Variants in MTA1 observed in about 807,000 individuals in gnomAD.
MTA1 encodes metastasis-associated protein MTA1.
In MTA1, 15 loss-of-function variants were observed where a neutral mutation model predicts 97.0. The observed-to-expected ratio is 0.15, with a 90% CI of 0.10 to 0.24. The LOEUF (loss-of-function observed/expected upper bound fraction) is 0.24. MTA1 is among the 10% of genes least tolerant of loss of function. The pLI, the probability that MTA1 is intolerant of heterozygous loss-of-function variation, is 1.00. For synonymous variants in MTA1, 435 were observed against 417.5 expected, an observed-to-expected ratio of 1.04 and a Z score of -0.51; for missense variants, 709 against 1,015.1, an observed-to-expected ratio of 0.70 and a Z score of 4.10.
At chr14:105,444,786 A>C (rs1218536619) in intron 2 of MTA1, among the ~76,000 whole-genome samples, 1 of 144,066 alleles carries the variant, frequency 6.9e-6, no homozygotes, top group African/African-American at 2.9e-5. Flanking sequence ...GTGAGACCCC[A>C]TCTTAAAAAA....
At position 105,420,898 on chromosome 14, in the gene MTA1, A is replaced by T. The variant is rs1460067091; in HGVS notation, c.28+835A>T. ...CAGCGCCTCCCTCCCCAGGACTCTG[A>T]GACCCCTCCCTGCCTGTGACCCTCT... On this transcript the variant is annotated intron_variant, in intron 1 of 20. Transcript: ENST00000331320. The surrounding 1 kb of genome is among the most constrained non-coding windows in gnomAD (Gnocchi z 5.3). Among the ~76,000 whole-genome samples, 9 of 152,034 alleles carry T rather than the reference A, an allele frequency of 5.9e-5. No homozygotes were observed. Among genetic ancestry groups the T allele is most frequent in the African/African-American group, 1.7e-4 (7 of 41,394 alleles).
At chr14:105,426,933 G>A (rs942270508) in intron 1 of MTA1, among the ~76,000 whole-genome samples, 1 of 152,200 alleles carries the variant, frequency 6.6e-6, no homozygotes, top group Admixed American at 6.5e-5. Context: ...GTTCCCAAAA[G>A]GGAAAAGACA....
intron 3 of MTA1, among the ~76,000 whole-genome samples, chr14:105,446,677 C>G (rs2082728739): frequency 6.6e-6 from 1 of 152,218 alleles, no homozygotes; most frequent in African/African-American, 2.4e-5. Context: ...AGGAAGGTGT[C>G]CCTTAACCCC....
intron 1 of MTA1, among the ~76,000 whole-genome samples, chr14:105,423,567 G>A (rs973556623): frequency 6.7e-6 from 1 of 150,316 alleles, no homozygotes; most frequent in Non-Finnish European, 1.5e-5. Context: ...GTGAGACTCC[G>A]TATCAAAAAA....
intron 1 of MTA1, among the ~76,000 whole-genome samples, chr14:105,435,242 T>C (rs1309187336): frequency 6.6e-6 from 1 of 152,212 alleles, no homozygotes; most frequent in African/African-American, 2.4e-5. Flanking sequence ...TTCTTACTTA[T>C]TCTGTGAATA....
intron 1 of MTA1, among the ~76,000 whole-genome samples, chr14:105,432,695 A>G (rs1555423611): frequency 1.3e-5 from 2 of 152,224 alleles, no homozygotes; most frequent in Non-Finnish European, 1.5e-5. Context: ...ACGAGGCACA[A>G]CCACATTTAT....
chr14:105,450,936 C>T (rs1292534158), intron 6 of MTA1, among the ~76,000 whole-genome samples: 3 of 152,166 alleles, frequency 2.0e-5, no homozygotes, highest in South Asian at 2.1e-4. Context: ...TCTGAGGCCA[C>T]GTGGGGGCAA....
rs1056329356 is a variant in MTA1 at position 105,469,288 on chromosome 14, G to A, written c.1814-179G>A. 48 of 666,712 alleles carry A rather than the reference G, an allele frequency of 7.2e-5. No individual in the cohort carries two copies. The Admixed American group carries it at 8.0e-4, about 11-fold the overall frequency. The allele number at this position is 666,712 out of a possible 1,614,324, so 41.3% of individuals were successfully genotyped here. A position where few individuals can be genotyped will look rare whatever the true frequency, so the allele number is the denominator to read the frequency against. ...CCAGAGAGCTGTGGGGCCACCAGGC[G>A]GCCCAGGACCCGGGGATGCGAGGCC... On this transcript the variant is annotated intron_variant, in intron 18 of 20. Transcript: ENST00000331320.
At chr14:105,464,310 G>A in intron 13 of MTA1, 106 bp from the exon 14 acceptor site, 3 of 1,458,808 alleles carry the variant, frequency 2.1e-6, no homozygotes, top group Non-Finnish European at 2.8e-6. Flanking sequence ...GGAACGTGTG[G>A]GGGTGCCTGG....
chr14:105,432,678 T>C (rs2082211557), intron 1 of MTA1, among the ~76,000 whole-genome samples: 1 of 152,254 alleles, frequency 6.6e-6, no homozygotes, highest in Non-Finnish European at 1.5e-5. Context: ...GAATTCATCT[T>C]AAAGTTACGA....
At chr14:105,443,680 C>T (rs1030723340) in intron 2 of MTA1, among the ~76,000 whole-genome samples, 1 of 152,218 alleles carries the variant, frequency 6.6e-6, no homozygotes, top group Non-Finnish European at 1.5e-5. Flanking sequence ...GGTGCCTTGG[C>T]TTACTCCTGT....
chr14:105,445,351 C>T (rs587726169), intron 2 of MTA1, 67 bp from the exon 3 acceptor site: 1 of 1,468,344 alleles, frequency 6.8e-7, no homozygotes, highest in African/African-American at 1.4e-5. Context: ...GCCTTGGAGC[C>T]CCTCCTGGGA....
Position 105,424,982 on chromosome 14 carries a change from A to G in MTA1, c.28+4919A>G, listed in dbSNP as rs1355458751. Among the ~76,000 whole-genome samples the G allele has an allele frequency of 1.3e-5, 2 of 152,156 alleles. No individual in the cohort carries two copies. The highest frequency in any genetic ancestry group is 4.8e-5 in the African/African-American group (2 of 41,430). ...GTCAAAACTGCTGCAGTGGCCCTGC[A>G]GGCATCCTACCTAGAGGTGGGTCCC... On this transcript the variant is annotated intron_variant, in intron 1 of 20. Coordinates refer to ENST00000331320, the MANE Select transcript of MTA1 (RefSeq NM_004689.4). The surrounding 1 kb of genome is among the most constrained non-coding windows in gnomAD (Gnocchi z 4.0).
intron 7 of MTA1, among the ~76,000 whole-genome samples, chr14:105,457,244 G>T (rs1424438520): frequency 6.6e-6 from 1 of 152,252 alleles, no homozygotes; most frequent in Admixed American, 6.5e-5. Flanking sequence ...CCAGGAGTCA[G>T]GCTCAGCCAT....
chr14:105,429,720 T>G (rs1555423008), intron 1 of MTA1, among the ~76,000 whole-genome samples: 1 of 146,950 alleles, frequency 6.8e-6, no homozygotes, highest in Non-Finnish European at 1.5e-5. Flanking sequence ...CCCGAAGTGC[T>G]GGGATTACAG....
chr14:105,454,023 T>C (rs587618360), intron 6 of MTA1, among the ~76,000 whole-genome samples, 170 bp from the exon 7 acceptor site: 8 of 152,268 alleles, frequency 5.3e-5, no homozygotes, highest in African/African-American at 1.9e-4. Context: ...CTCCCAGGCA[T>C]GGCCGGGAGC....
In MTA1 at chr14:105,454,230, A is replaced by C. The variant is rs1555429339; in HGVS notation, c.470A>C (p.Gln157Pro). The C allele has an allele frequency of 6.2e-7, 1 of 1,613,668 alleles. No individual in the cohort carries two copies. The highest frequency in any genetic ancestry group is 8.5e-7 in the Non-Finnish European group (1 of 1,179,708). Residue 157 changes from glutamine to proline, a missense_variant, in exon 7 of 21, where the codon CAG becomes CCG. This residue lies in a region of MTA1 where 321 missense variants were observed against 593.5 expected (regional missense o/e 0.54). Coordinates refer to ENST00000331320, the MANE Select transcript of MTA1 (RefSeq NM_004689.4). ...TATTCTCTAGTCTACGACCCACAGC[A>C]GAAGACCCTGCTGGCAGATAAAGGA... ...FFYSLVYDPQ[Q>P]KTLLADKGEI...
chr14:105,449,524 G>T (rs1252625788), intron 4 of MTA1, 115 bp downstream of exon 4: 1 of 1,101,490 alleles, frequency 9.1e-7, no homozygotes, highest in Non-Finnish European at 1.3e-6. Context: ...TGTGCCCTGC[G>T]CCCGGCCGGC....
At chr14:105,466,946 C>T (rs587597889) in intron 18 of MTA1, 63 of 605,116 alleles carry the variant, frequency 1.0e-4, no homozygotes, top group African/African-American at 9.6e-4. Flanking sequence ...ATCTGGCCCT[C>T]GGCCCCCTGG....
Sources: allele counts gnomAD v4.1 joint callset (sites outside exome capture counted in the v4.1 genomes callset), GRCh38; gene constraint gnomAD v4.1.1; regional missense constraint gnomAD v4.1.1; non-coding constraint Gnocchi (gnomAD v3.1); transcripts MANE v1.5; gene names NCBI Gene and HGNC (gene_info 2026-07-23, HGNC 2026-07-21).